The following ZC3H12C variants were observed in gnomAD, a reference collection of about 807,000 sequenced individuals.
ZC3H12C encodes the protein probable ribonuclease ZC3H12C.
In ZC3H12C, 20 loss-of-function variants were observed where a neutral mutation model predicts 76.3. That is an observed-to-expected ratio of 0.26 (90% confidence interval 0.18 to 0.38). ZC3H12C has a LOEUF of 0.38. ZC3H12C is among the 10% of genes least tolerant of loss of function. ZC3H12C has a pLI of 1.00. For missense variants in ZC3H12C, 874 were observed against 1,086.5 expected (o/e 0.80, Z 2.75); for synonymous variants, 352 against 399.6 (o/e 0.88, Z 1.42).
intron 1 of ZC3H12C, among the ~76,000 whole-genome samples, chr11:110,115,233 A>G (rs533124534): frequency 1.3e-5 from 2 of 152,138 alleles, no homozygotes; most frequent in African/African-American, 4.8e-5. Context: ...CAGTTTCTTC[A>G]GTAGTGGAAC....
rs368225431 is a variant in ZC3H12C at position 110,136,724 on chromosome 11, G to A, written c.83G>A (p.Arg28His). The change falls in exon 2 of 6, where the codon CGT (arginine) becomes CAT (histidine). Residue 28 changes from arginine to histidine, a missense_variant. Arg to His is a conservative substitution (Grantham distance 29). Around this residue, in one of 3 missense-constraint regions of ZC3H12C, gnomAD observed 210 missense variants for 227.1 expected, o/e 0.92. Coordinates refer to ENST00000278590, the MANE Select transcript of ZC3H12C (RefSeq NM_033390.2). ...AACAGCAAAGTGGAGTCAAGTACACGTAACAACTTCATGGGCTTGAAGGAT... is the reference window on the plus strand; with the variant it reads ...AACAGCAAAGTGGAGTCAAGTACACATAACAACTTCATGGGCTTGAAGGAT... ...RKNSKVESST[R>H]NNFMGLKDHL... 40 of 1,613,830 alleles carry A rather than the reference G, an allele frequency of 2.5e-5. No individual in the cohort carries two copies. The highest frequency in any genetic ancestry group is 6.7e-5 in the African/African-American group (5 of 74,910).
chr11:110,110,515 C>T (rs1230162585), intron 1 of ZC3H12C, among the ~76,000 whole-genome samples: 1 of 152,152 alleles, frequency 6.6e-6, no homozygotes, highest in African/African-American at 2.4e-5. Context: ...ATTAACTCCT[C>T]TTTCCTGTCC....
chr11:110,163,027 A>C (rs1862508962), intron 4 of ZC3H12C, among the ~76,000 whole-genome samples: 1 of 152,254 alleles, frequency 6.6e-6, no homozygotes, highest in Admixed American at 6.5e-5. Context: ...TTAATAGGAC[A>C]TGCTCAACTC....
At chr11:110,099,249 A>G (rs1861169151) in intron 1 of ZC3H12C, among the ~76,000 whole-genome samples, 1 of 152,190 alleles carries the variant, frequency 6.6e-6, no homozygotes, top group Admixed American at 6.5e-5. Context: ...TCCTAGAAAT[A>G]GTGATAAAAC....
At chr11:110,113,488 T>A (rs1016520749) in intron 1 of ZC3H12C, among the ~76,000 whole-genome samples, 8 of 152,238 alleles carry the variant, frequency 5.3e-5, no homozygotes, top group Non-Finnish European at 1.0e-4. Context: ...ATTTTTAATA[T>A]TTTGAGGACT....
At chr11:110,135,671 T>C (rs2134175470) in intron 1 of ZC3H12C, among the ~76,000 whole-genome samples, 1 of 152,156 alleles carries the variant, frequency 6.6e-6, no homozygotes, top group Non-Finnish European at 1.5e-5. Flanking sequence ...GTAAAAGTAT[T>C]CTTATATGGT....
At chr11:110,100,705 G>C (rs1264447682) in intron 1 of ZC3H12C, among the ~76,000 whole-genome samples, 2 of 152,160 alleles carry the variant, frequency 1.3e-5, no homozygotes, top group African/African-American at 2.4e-5. Context: ...CAATCAAGCA[G>C]TGTTGTGTGT....
At chr11:110,123,377 C>T (rs1861683946) in intron 1 of ZC3H12C, among the ~76,000 whole-genome samples, 1 of 152,222 alleles carries the variant, frequency 6.6e-6, no homozygotes, top group Non-Finnish European at 1.5e-5. Context: ...AAATGGGAAA[C>T]TAATCCCTGG....
intron 1 of ZC3H12C, among the ~76,000 whole-genome samples, chr11:110,117,279 C>G (rs1036056879): frequency 9.9e-5 from 15 of 152,094 alleles, no homozygotes; most frequent in Non-Finnish European, 2.1e-4. Flanking sequence ...AATCATATTT[C>G]TCTATTGGCT....
At chr11:110,140,364 C>T (rs554549639) in intron 2 of ZC3H12C, among the ~76,000 whole-genome samples, 1 of 152,130 alleles carries the variant, frequency 6.6e-6, no homozygotes, top group Non-Finnish European at 1.5e-5. Context: ...CCCTTTGGTA[C>T]CTAAAAGTGT....
intron 3 of ZC3H12C, among the ~76,000 whole-genome samples, chr11:110,157,430 C>CTTTT (rs1238127792): frequency 8.8e-6 from 1 of 114,034 alleles, no homozygotes; most frequent in Non-Finnish European, 1.9e-5. Context: ...AAGGTCTGGT[C>CTTTT]TTTTTTTTTT....
chr11:110,152,846 G>C, intron 2 of ZC3H12C, 73 bp from the exon 3 acceptor site: 1 of 1,512,420 alleles, frequency 6.6e-7, no homozygotes, highest in Non-Finnish European at 9.0e-7. Flanking sequence ...AATACTTTCT[G>C]TTTATAAACT....
intron 1 of ZC3H12C, among the ~76,000 whole-genome samples, chr11:110,095,430 T>C (rs1861095894): frequency 6.6e-6 from 1 of 152,238 alleles, no homozygotes; most frequent in Non-Finnish European, 1.5e-5. Flanking sequence ...AAATTTAGAA[T>C]TCTTTAATTC....
chr11:110,138,121 A>G (rs998614471), intron 2 of ZC3H12C, among the ~76,000 whole-genome samples: 5 of 151,876 alleles, frequency 3.3e-5, no homozygotes, highest in African/African-American at 1.2e-4. Context: ...TTTAAAATAA[A>G]ATTTTAAAAG....
At chr11:110,100,944 G>C (rs140965209) in intron 1 of ZC3H12C, among the ~76,000 whole-genome samples, 2 of 152,202 alleles carry the variant, frequency 1.3e-5, no homozygotes, top group Admixed American at 6.5e-5. Flanking sequence ...CAAGAGGTAG[G>C]CCTCTTGCAA....
chr11:110,093,449 G>A lies in ZC3H12C; in HGVS notation c.21+17G>A, dbSNP rs1350189796. On this transcript the variant is annotated intron_variant, in intron 1 of 5. Transcript: ENST00000278590. ...GGCTCCCAGGTTTGTCCTCGGGAAG[G>A]GGGTGGGGGACGCGGACCGCGGCGA... 1.0e-5 allele frequency: 12 copies of A among 1,205,886 alleles called. No individual in the cohort carries two copies. Among genetic ancestry groups the A allele is most frequent in the Non-Finnish European group, 1.2e-5 (12 of 966,590 alleles). The allele number at this position is 1,205,886 out of a possible 1,614,324, so 74.7% of individuals were successfully genotyped here.
At chr11:110,134,273 T>G (rs935126047) in intron 1 of ZC3H12C, among the ~76,000 whole-genome samples, 1 of 152,170 alleles carries the variant, frequency 6.6e-6, no homozygotes, top group Non-Finnish European at 1.5e-5. Flanking sequence ...CCAGACGCAC[T>G]TAAGTCCCAG....
intron 3 of ZC3H12C, among the ~76,000 whole-genome samples, chr11:110,158,914 G>A (rs1223466565): frequency 6.6e-6 from 1 of 152,234 alleles, no homozygotes; most frequent in Non-Finnish European, 1.5e-5. Context: ...TGGCATTCAA[G>A]TAGGAACGTG....
chr11:110,157,794 C>G lies in ZC3H12C; in HGVS notation c.914-1462C>G, dbSNP rs148894776. 6.3e-3 allele frequency among the ~76,000 whole-genome samples: 967 copies of G among 152,304 alleles called. 13 individuals carry two copies. The highest frequency in any genetic ancestry group is 0.022 in the African/African-American group (920 of 41,546). On this transcript the variant is annotated intron_variant, in intron 3 of 5. Coordinates refer to ENST00000278590, the MANE Select transcript of ZC3H12C (RefSeq NM_033390.2). ...GTCACTCTTCCATCTGTACCCAGCT[C>G]ACACTTCTGCTGTGGCAGTTACAAC...
Sources: gnomAD v4.1 joint callset for allele counts (sites outside exome capture counted in the v4.1 genomes callset) on GRCh38, gnomAD v4.1.1 for gene constraint, gnomAD v4.1.1 regional missense constraint, MANE v1.5 for transcripts, NCBI Gene and HGNC (gene_info 2026-07-23, HGNC 2026-07-21) for gene names.